The following ASPH variants were observed in gnomAD, a reference collection of about 807,000 sequenced individuals.
ASPH encodes the protein aspartate beta-hydroxylase.
A neutral mutation model predicts 118.4 loss-of-function variants in ASPH; 100 were observed. The observed-to-expected ratio is 0.84, with a 90% CI of 0.72 to 1.00. The LOEUF is 1.00. Among genes scored for constraint, ASPH ranks in the 50% least tolerant of loss-of-function variants. ASPH has a pLI of 0.00. For synonymous variants in ASPH, 315 were observed against 325.6 expected (o/e 0.97, Z 0.35); for missense variants, 920 against 919.5 (o/e 1.00, Z -0.01).
chr8:61,607,553 G>A (rs1845951553), intron 14 of ASPH, among the ~76,000 whole-genome samples: 1 of 151,882 alleles, frequency 6.6e-6, no homozygotes, highest in Non-Finnish European at 1.5e-5. Context: ...AATTTAGGAG[G>A]GGAACCATGA....
intron 22 of ASPH, among the ~76,000 whole-genome samples, chr8:61,524,843 G>GT (rs1240112395): frequency 6.6e-6 from 1 of 151,880 alleles, no homozygotes; most frequent in Non-Finnish European, 1.5e-5. Flanking sequence ...GGCCCAGTAG[G>GT]TTCTGTGATG....
At chr8:61,565,714 T>C (rs1831460028) in intron 17 of ASPH, among the ~76,000 whole-genome samples, 1 of 152,162 alleles carries the variant, frequency 6.6e-6, no homozygotes. Context: ...AAAATCACTG[T>C]CTATTGGAAG....
intron 17 of ASPH, among the ~76,000 whole-genome samples, chr8:61,566,838 A>G (rs6471959): frequency 0.81 from 122,960 of 152,218 alleles, 50,036 homozygotes; most frequent in Non-Finnish European, 0.85. Context: ...TGTCTTTTAA[A>G]CCATAATGTT....
At chr8:61,667,496 A>G (rs982228929) in intron 3 of ASPH, among the ~76,000 whole-genome samples, 1 of 152,096 alleles carries the variant, frequency 6.6e-6, no homozygotes, top group Non-Finnish European at 1.5e-5. Flanking sequence ...CCTCCTGAGT[A>G]GGTGGGATTA....
At chr8:61,638,203 C>A (rs1009050843) in intron 11 of ASPH, 119 bp downstream of exon 11, 1 of 1,314,434 alleles carries the variant, frequency 7.6e-7, no homozygotes, top group African/African-American at 1.5e-5. Context: ...TATTTTCTTA[C>A]TGACTTGAAA....
chr8:61,569,106 C>T lies in ASPH; in HGVS notation c.1150-1788G>A, dbSNP rs532513476. Among the ~76,000 whole-genome samples, 10 of 152,224 alleles carry T rather than the reference C, an allele frequency of 6.6e-5. No homozygotes were observed. In the South Asian group the frequency reaches 1.9e-3, roughly 28 times the overall value. On this transcript the variant is annotated intron_variant, in intron 16 of 24. Coordinates refer to ENST00000379454, the MANE Select transcript of ASPH (RefSeq NM_004318.4). ...CTAACAGGAGGGAAGGCAGAACATA[C>T]AGGCACAGGTAGAGGATGGCTGTTA...
chr8:61,666,762 TAAG>T (rs1819823232), intron 3 of ASPH, among the ~76,000 whole-genome samples: 1 of 152,224 alleles, frequency 6.6e-6, no homozygotes, highest in Admixed American at 6.5e-5. Context: ...TACAGTCTTT[TAAG>T]AATACAGAAT....
intron 20 of ASPH, among the ~76,000 whole-genome samples, chr8:61,551,491 T>C (rs771642348): frequency 7.2e-5 from 11 of 152,232 alleles, no homozygotes; most frequent in Non-Finnish European, 1.6e-4. Context: ...ACTTTTTAAA[T>C]TCAAGAACTG....
At chr8:61,669,822 T>TA (rs1426488805) in intron 3 of ASPH, among the ~76,000 whole-genome samples, 2 of 152,152 alleles carry the variant, frequency 1.3e-5, no homozygotes, top group Non-Finnish European at 2.9e-5. Flanking sequence ...ATGATCTAGG[T>TA]AAAAAGAGCT....
chr8:61,515,348 G>A (rs1446049979), intron 24 of ASPH, among the ~76,000 whole-genome samples: 1 of 152,128 alleles, frequency 6.6e-6, no homozygotes, highest in Non-Finnish European at 1.5e-5. Context: ...CCCAGTGTAA[G>A]ACAAGATTCA....
At chr8:61,566,818 G>T (rs1430747857) in intron 17 of ASPH, among the ~76,000 whole-genome samples, 1 of 152,136 alleles carries the variant, frequency 6.6e-6, no homozygotes, top group African/African-American at 2.4e-5. Context: ...TTAAATTAAG[G>T]CTTGGACATT....
chr8:61,678,536 T>C (rs1399614508), intron 3 of ASPH, among the ~76,000 whole-genome samples: 1 of 152,092 alleles, frequency 6.6e-6, no homozygotes, highest in Non-Finnish European at 1.5e-5. Flanking sequence ...TATTTAATTC[T>C]ATTTCACAAG....
intron 14 of ASPH, among the ~76,000 whole-genome samples, chr8:61,612,276 C>G (rs936726495): frequency 1.3e-5 from 2 of 150,612 alleles, no homozygotes. Context: ...GAGCTCAACA[C>G]AGATTTGAAA....
chr8:61,677,658 C>T (rs1249551278), intron 3 of ASPH, among the ~76,000 whole-genome samples: 1 of 152,064 alleles, frequency 6.6e-6, no homozygotes, highest in Non-Finnish European at 1.5e-5. Flanking sequence ...TTTTGACAAG[C>T]CTAGAATGTT....
chr8:61,514,058 T>C (rs1422787961), intron 24 of ASPH, among the ~76,000 whole-genome samples: 1 of 151,802 alleles, frequency 6.6e-6, no homozygotes, highest in Non-Finnish European at 1.5e-5. Flanking sequence ...GGCGCAGTCA[T>C]GGCTCACTGC....
In ASPH at chr8:61,598,809, T is replaced by C. The variant is rs555071145; in HGVS notation, c.977-14780A>G. Reference sequence around the variant, plus strand: ...ATATCAGGTATCTTCCAGAACACAATGAAATAAAACTAAAAATGCAGTAAG... The same window carrying C: ...ATATCAGGTATCTTCCAGAACACAACGAAATAAAACTAAAAATGCAGTAAG... On this transcript the variant is annotated intron_variant, in intron 14 of 24. Coordinates refer to ENST00000379454, the MANE Select transcript of ASPH (RefSeq NM_004318.4). 2.6e-5 allele frequency among the ~76,000 whole-genome samples: 4 copies of C among 152,104 alleles called. No individual in the cohort carries two copies. The East Asian group carries it at 7.7e-4, about 29-fold the overall frequency.
At chr8:61,642,975 C>T (rs1188146897) in intron 9 of ASPH, 55 bp from the exon 10 acceptor site, 1 of 1,439,054 alleles carries the variant, frequency 6.9e-7, no homozygotes, top group Non-Finnish European at 9.3e-7. Flanking sequence ...TCATTCTATA[C>T]AATTGTTCAG....
chr8:61,679,934 G>A, intron 3 of ASPH, among the ~76,000 whole-genome samples: 1 of 138,748 alleles, frequency 7.2e-6, no homozygotes, highest in African/African-American at 2.6e-5. Context: ...ATTCCCAATG[G>A]GCAATAATAA....
At chr8:61,556,421 G>A (rs1827888179) in intron 18 of ASPH, among the ~76,000 whole-genome samples, 1 of 152,160 alleles carries the variant, frequency 6.6e-6, no homozygotes, top group South Asian at 2.1e-4. Context: ...ATGGTTATTA[G>A]ACATCACTTC....
Sources: gnomAD v4.1 joint callset for allele counts (sites outside exome capture counted in the v4.1 genomes callset) on GRCh38, gnomAD v4.1.1 for gene constraint, MANE v1.5 for transcripts, NCBI Gene and HGNC (gene_info 2026-07-23, HGNC 2026-07-21) for gene names.